TMEM26: variants seen among roughly 807,000 people sequenced by gnomAD.
TMEM26 encodes the protein transmembrane protein 26.
Under a neutral mutation model 28.8 loss-of-function variants are expected in TMEM26, and 38 were observed. That is an observed-to-expected ratio of 1.32 (90% confidence interval 1.02 to 1.73). The LOEUF is 1.73. Ranked by LOEUF, TMEM26 falls within the 40% of genes most tolerant of loss-of-function variation. The pLI, the probability that TMEM26 is intolerant of heterozygous loss-of-function variation, is 0.00. For missense variants in TMEM26, 518 were observed against 447.1 expected, an observed-to-expected ratio of 1.16 and a Z score of -1.43; for synonymous variants, 227 against 182.9, an observed-to-expected ratio of 1.24 and a Z score of -1.95.
intron 1 of TMEM26, among the ~76,000 whole-genome samples, chr10:61,441,706 T>C (rs1030657958): frequency 4.6e-5 from 7 of 152,202 alleles, no homozygotes. Flanking sequence ...GACTAATACA[T>C]GTCCAAGTGA....
intron 1 of TMEM26, among the ~76,000 whole-genome samples, chr10:61,438,242 G>A (rs534230057): frequency 6.2e-4 from 94 of 152,208 alleles, no homozygotes; most frequent in African/African-American, 2.2e-3. Flanking sequence ...CTGACTTGGA[G>A]GATGGTGAAG....
chr10:61,440,198 T>A (rs1055563850), intron 1 of TMEM26, among the ~76,000 whole-genome samples: 4 of 151,818 alleles, frequency 2.6e-5, no homozygotes, highest in African/African-American at 9.7e-5. Context: ...TAAGATCATA[T>A]CACCGCACTC....
chr10:61,412,968 C>G, intron 5 of TMEM26: 1 of 1,285,968 alleles, frequency 7.8e-7, no homozygotes, highest in South Asian at 1.3e-5. Flanking sequence ...TTTAACTGCT[C>G]CTATGTCTTC....
At chr10:61,416,045 A>G (rs1431492336) in intron 4 of TMEM26, 3 of 444,956 alleles carry the variant, frequency 6.7e-6, no homozygotes, top group Non-Finnish European at 1.3e-5. Context: ...AGTAGTTTCT[A>G]ATAATATTAC....
intron 1 of TMEM26, among the ~76,000 whole-genome samples, chr10:61,436,480 C>G (rs1382925590): frequency 2.6e-5 from 4 of 152,174 alleles, no homozygotes; most frequent in African/African-American, 9.7e-5. Context: ...AGCTGTCATT[C>G]TCACTGAATT....
At chr10:61,435,551 C>T (rs1839990501) in intron 2 of TMEM26, among the ~76,000 whole-genome samples, 1 of 152,134 alleles carries the variant, frequency 6.6e-6, no homozygotes, top group Non-Finnish European at 1.5e-5. Flanking sequence ...CATGGTGGGT[C>T]CCACGACTCC....
chr10:61,414,218 C>T (rs943736445), intron 4 of TMEM26: 1 of 271,708 alleles, frequency 3.7e-6, no homozygotes, highest in Non-Finnish European at 5.6e-6. Flanking sequence ...ATGTCCTAGA[C>T]CTAGGAAAAT....
chr10:61,452,857 C>G lies in TMEM26; in HGVS notation c.191+34G>C. On this transcript the variant is annotated intron_variant, in intron 1 of 5. Transcript: ENST00000399298. The stretch of plus-strand genomic sequence containing the variant: ...GCGGTGGGGGACAATACCCTAGGGC[C>G]CCGTGCGCCCTCGCTTTCCCGGGGC... The G allele has an allele frequency of 2.5e-6, 4 of 1,599,100 alleles. 1 individual carries two copies. The African/African-American group carries it at 4.0e-5, about 16-fold the overall frequency.
intron 3 of TMEM26, among the ~76,000 whole-genome samples, chr10:61,429,660 C>T (rs12764814): frequency 0.098 from 14,877 of 151,742 alleles, 1,553 homozygotes; most frequent in African/African-American, 0.26. Flanking sequence ...TAATGTTTAT[C>T]GATTACCTAA....
Position 61,410,338 on chromosome 10 carries a change from G to T in TMEM26, c.1091C>A (p.Ser364Tyr). The change falls in exon 6 of 6, where the codon TCC (serine) becomes TAC (tyrosine). Residue 364 changes from serine (S) to tyrosine (Y), a missense_variant. By Grantham distance (144) the Ser-to-Tyr change is moderately radical. Transcript: ENST00000399298. ...LRGSPVTSDD[S>Y]HHTP ...AATCAATAACTAAGGGGTGTGGTGG[G>T]AGTCGTCGGAGGTGACTGGGGAGCC... 6.2e-7 allele frequency: 1 copy of T among 1,611,468 alleles called. No homozygotes were observed. The highest frequency in any genetic ancestry group is 8.5e-7 in the Non-Finnish European group (1 of 1,178,144).
At chr10:61,439,605 A>G (rs1840060142) in intron 1 of TMEM26, among the ~76,000 whole-genome samples, 1 of 152,196 alleles carries the variant, frequency 6.6e-6, no homozygotes, top group African/African-American at 2.4e-5. Context: ...AGAAACTTAG[A>G]AGACCCAAAT....
At chr10:61,415,032 A>G (rs1839628355) in intron 4 of TMEM26, 2 of 985,334 alleles carry the variant, frequency 2.0e-6, no homozygotes, top group Non-Finnish European at 2.4e-6. Context: ...TCTACTTCAC[A>G]TTTTATCATG....
chr10:61,411,554 T>C (rs1183349190), intron 5 of TMEM26, among the ~76,000 whole-genome samples: 1 of 152,262 alleles, frequency 6.6e-6, no homozygotes, highest in African/African-American at 2.4e-5. Context: ...TCATATTAAA[T>C]ACATTTTTCA....
chr10:61,413,769 C>A, intron 4 of TMEM26: 2 of 1,176,324 alleles, frequency 1.7e-6, no homozygotes, highest in Non-Finnish European at 2.1e-6. Flanking sequence ...TATGACAAAG[C>A]CTCTTGGTCC....
intron 4 of TMEM26, among the ~76,000 whole-genome samples, chr10:61,420,942 G>T (rs1210488099): frequency 1.3e-5 from 2 of 151,836 alleles, no homozygotes; most frequent in African/African-American, 4.8e-5. Flanking sequence ...AACCTTAAAA[G>T]ATTATATAGA....
chr10:61,429,165 A>G lies in TMEM26; in HGVS notation c.385-19T>C, dbSNP rs1839881056. On this transcript the variant is annotated intron_variant, in intron 3 of 5. Coordinates refer to ENST00000399298, the MANE Select transcript of TMEM26 (RefSeq NM_178505.8). ...CTTTGGCCTGTTTAACAGAAATGTC[A>G]TACAGACAGGATTATCAGCCACCAC... The G allele has an allele frequency of 6.3e-7, 1 of 1,599,468 alleles. No homozygotes were observed.
At chr10:61,437,249 A>T (rs1232727167) in intron 1 of TMEM26, among the ~76,000 whole-genome samples, 1 of 152,138 alleles carries the variant, frequency 6.6e-6, no homozygotes, top group Non-Finnish European at 1.5e-5. Flanking sequence ...TGACCAAATT[A>T]ATCTCCAAAT....
At chr10:61,452,282 G>A (rs1245135517) in intron 1 of TMEM26, among the ~76,000 whole-genome samples, 1 of 152,248 alleles carries the variant, frequency 6.6e-6, no homozygotes, top group Non-Finnish European at 1.5e-5. Context: ...AAGATAGGCA[G>A]GCCGTTAGCC....
intron 1 of TMEM26, among the ~76,000 whole-genome samples, chr10:61,440,377 T>C (rs1840072110): frequency 6.6e-6 from 1 of 152,194 alleles, no homozygotes; most frequent in Non-Finnish European, 1.5e-5. Context: ...ACTGTCACAC[T>C]GCCATGGTTT....
Sources: allele counts gnomAD v4.1 joint callset (sites outside exome capture counted in the v4.1 genomes callset), GRCh38; gene constraint gnomAD v4.1.1; transcripts MANE v1.5; gene names NCBI Gene and HGNC (gene_info 2026-07-23, HGNC 2026-07-21).